The following NDST1 variants were observed in gnomAD, a reference collection of about 807,000 sequenced individuals.
NDST1 encodes N-deacetylase and N-sulfotransferase 1, also known as bifunctional heparan sulfate N-deacetylase/N-sulfotransferase 1.
A neutral mutation model predicts 92.8 loss-of-function variants in NDST1; 35 were observed. That is an observed-to-expected ratio of 0.38 (90% CI 0.29 to 0.50). NDST1 has a LOEUF of 0.50. Ranked by LOEUF, NDST1 falls within the 20% of genes least tolerant of loss-of-function variation. The probability of loss-of-function intolerance (pLI) is 0.94; values close to 1 mark genes in which losing one functional copy is unlikely to be tolerated. For synonymous variants in NDST1, 493 were observed against 500.3 expected (o/e 0.99, Z 0.19); for missense variants, 822 against 1,182.7 (o/e 0.69, Z 4.47).
chr5:150,543,117 T>A, intron 10 of NDST1, 146 bp downstream of exon 10: 1 of 1,117,038 alleles, frequency 9.0e-7, no homozygotes, highest in Non-Finnish European at 1.3e-6. Context: ...CAGTGACCCT[T>A]GAATCATGGT....
At chr5:150,515,965 C>T (rs1195264092) in intron 1 of NDST1, among the ~76,000 whole-genome samples, 1 of 147,986 alleles carries the variant, frequency 6.8e-6, no homozygotes, top group Non-Finnish European at 1.5e-5. Context: ...CTTCCCCCCA[C>T]CCACCCCCAC....
intron 10 of NDST1, among the ~76,000 whole-genome samples, chr5:150,544,883 T>C (rs541439848): frequency 3.9e-5 from 6 of 152,296 alleles, no homozygotes; most frequent in African/African-American, 1.4e-4. Context: ...AGGCCCCCTC[T>C]GCTCTGTGCC....
chr5:150,539,523 C>T, intron 7 of NDST1, 167 bp downstream of exon 7: 2 of 1,513,392 alleles, frequency 1.3e-6, no homozygotes, highest in Non-Finnish European at 1.8e-6. Flanking sequence ...GCTGTGTGAC[C>T]TTGGCTAAAG....
intron 6 of NDST1, among the ~76,000 whole-genome samples, chr5:150,538,492 A>C (rs1439911400): frequency 2.0e-5 from 3 of 152,250 alleles, no homozygotes; most frequent in African/African-American, 7.2e-5. Flanking sequence ...GGATGTGGCC[A>C]TACTCTGGGC....
chr5:150,548,564 T>G (rs1755590387), intron 12 of NDST1, among the ~76,000 whole-genome samples, 176 bp downstream of exon 12: 2 of 152,068 alleles, frequency 1.3e-5, no homozygotes, highest in Non-Finnish European at 2.9e-5. Context: ...TGAGACAGGG[T>G]CTCACTCTGT....
upstream of NDST1, among the ~76,000 whole-genome samples, chr5:150,505,060 A>G (rs1008007003): frequency 6.6e-6 from 1 of 152,234 alleles, no homozygotes; most frequent in Non-Finnish European, 1.5e-5. Context: ...TAAAGTTGGC[A>G]TGTGATACCG....
At chr5:150,540,402 C>A in intron 8 of NDST1, 138 bp downstream of exon 8, 1 of 919,400 alleles carries the variant, frequency 1.1e-6, no homozygotes, top group Non-Finnish European at 1.6e-6. Context: ...AGGTCCCCAT[C>A]TACTTACCAG....
chr5:150,519,680 C>T (rs188849326), intron 1 of NDST1, among the ~76,000 whole-genome samples: 2 of 151,254 alleles, frequency 1.3e-5, no homozygotes, highest in African/African-American at 2.4e-5. Flanking sequence ...AGTGAAACTC[C>T]GCCTCAAAAA....
rs541203071 is a variant in NDST1, at chr5:150,546,255, C to G, written c.2145+769C>G. On this transcript the variant is annotated intron_variant, in intron 11 of 14. Coordinates refer to ENST00000261797, the MANE Select transcript of NDST1 (RefSeq NM_001543.5). ...TCGTGATCTTCCCGCCTCGGCCTCT[C>G]AAAGTGCTGGCATTACAGGCATGAG... Among the ~76,000 whole-genome samples, 30 of 152,304 alleles carry G rather than the reference C, an allele frequency of 2.0e-4. No homozygotes were observed. The East Asian group carries it at 4.1e-3, about 21-fold the overall frequency.
intron 1 of NDST1, among the ~76,000 whole-genome samples, chr5:150,518,010 G>A (rs1754061352): frequency 6.6e-6 from 1 of 152,218 alleles, no homozygotes; most frequent in Admixed American, 6.5e-5. Context: ...GGACACCTGG[G>A]TACCCTGAGT....
intron 10 of NDST1, among the ~76,000 whole-genome samples, chr5:150,544,864 G>A (rs916538620): frequency 4.6e-5 from 7 of 152,144 alleles, no homozygotes; most frequent in Non-Finnish European, 7.4e-5. Flanking sequence ...AAGAAAGTCC[G>A]CCCTCTGGAG....
intron 13 of NDST1, chr5:150,550,902 T>C (rs1177910266): frequency 6.6e-6 from 1 of 152,290 alleles, no homozygotes; most frequent in Non-Finnish European, 1.5e-5. Flanking sequence ...GAAAGCTTCA[T>C]GTGGGGCTCT....
At position 150,553,217 on chromosome 5, in the gene NDST1, G is replaced by A. The variant is rs374008656; in HGVS notation, c.2534G>A (p.Arg845Gln). The A allele has an allele frequency of 3.9e-5, 63 of 1,612,906 alleles. No homozygotes were observed. The highest frequency in any genetic ancestry group is 9.4e-5 in the African/African-American group (7 of 74,860). Residue 845 changes from arginine to glutamine, a missense_variant, in exon 15 of 15, where the codon CGA becomes CAA. Physicochemically the swap from Arg to Gln is conservative, Grantham distance 43 (BLOSUM62 1). Transcript: ENST00000261797. The surrounding 1 kb of genome is among the most constrained non-coding windows in gnomAD (Gnocchi z 4.2). ...RKYPEMDLDS[R>Q]AFLKDYYRDH... ...GAGCTTTCCTTCCCGTTACAGTCCC[G>A]AGCCTTCCTGAAGGACTATTACCGG...
chr5:150,541,347 G>A (rs1297525160), intron 8 of NDST1, among the ~76,000 whole-genome samples: 1 of 152,158 alleles, frequency 6.6e-6, no homozygotes, highest in African/African-American at 2.4e-5. Context: ...TTCCTGTTAC[G>A]TGCTAAGGGG....
chr5:150,511,121 T>G (rs1753701814), intron 1 of NDST1, among the ~76,000 whole-genome samples: 2 of 152,178 alleles, frequency 1.3e-5, no homozygotes, highest in African/African-American at 4.8e-5. Flanking sequence ...ATGGGGGGAA[T>G]CTAGGTCATG....
rs1404563079 is a variant in NDST1, at chr5:150,527,969, G to A, written c.679G>A (p.Val227Ile). The change falls in exon 3 of 15, where the codon GTT (valine) becomes ATT (isoleucine). Residue 227 changes from valine (V) to isoleucine (I), a missense_variant. Coordinates refer to ENST00000261797, the MANE Select transcript of NDST1 (RefSeq NM_001543.5). ...TGTGCTCCCCGGCGAGGACTGGACG[G>A]TTTTCCAGTCAAATCACTCCACCTA... is the stretch of plus-strand genomic sequence containing the variant. The part of the protein sequence containing the change: ...KGVLPGEDWT[V>I]FQSNHSTYEP... 1 of 1,613,994 alleles carries A rather than the reference G, an allele frequency of 6.2e-7. No individual in the cohort carries two copies. The highest frequency in any genetic ancestry group is 8.5e-7 in the Non-Finnish European group (1 of 1,179,940).
chr5:150,526,195 A>G (rs369608157), intron 2 of NDST1, among the ~76,000 whole-genome samples: 37 of 152,342 alleles, frequency 2.4e-4, no homozygotes, highest in African/African-American at 8.7e-4. Flanking sequence ...AGACCTCCTG[A>G]GCCCACTAAC....
intron 1 of NDST1, among the ~76,000 whole-genome samples, chr5:150,512,115 C>T (rs1753751717): frequency 6.6e-6 from 1 of 152,170 alleles, no homozygotes; most frequent in East Asian, 1.9e-4. Context: ...CACCCATTCA[C>T]ATCCTTCTGA....
At chr5:150,518,862 C>T (rs902547879) in intron 1 of NDST1, 12 of 151,984 alleles carry the variant, frequency 7.9e-5, no homozygotes, top group African/African-American at 1.9e-4. Context: ...CTGCACCCTC[C>T]GCCTCCCAGG....
Sources: allele counts gnomAD v4.1 joint callset (sites outside exome capture counted in the v4.1 genomes callset), GRCh38; gene constraint gnomAD v4.1.1; non-coding constraint Gnocchi (gnomAD v3.1); transcripts MANE v1.5; gene names NCBI Gene and HGNC (gene_info 2026-07-23, HGNC 2026-07-21).